CDK5RAP2: variants seen among roughly 807,000 people sequenced by gnomAD.
CDK5RAP2 encodes the protein CDK5 regulatory subunit-associated protein 2.
In CDK5RAP2, 147 loss-of-function variants were observed where a neutral mutation model predicts 232.9. That is an observed-to-expected ratio of 0.63 (90% CI 0.55 to 0.72). The LOEUF (loss-of-function observed/expected upper bound fraction) is 0.72. Among genes scored for constraint, CDK5RAP2 ranks in the 30% least tolerant of loss-of-function variants. The pLI is 0.00. For missense variants in CDK5RAP2, 2,195 were observed against 2,231.5 expected (o/e 0.98, Z 0.33); for synonymous variants, 833 against 833.7 (o/e 1.00, Z 0.01).
At chr9:120,450,445 G>T (rs997158757) in intron 21 of CDK5RAP2, among the ~76,000 whole-genome samples, 1 of 152,134 alleles carries the variant, frequency 6.6e-6, no homozygotes, top group Non-Finnish European at 1.5e-5. Flanking sequence ...GTCCAACTCT[G>T]TGAATAGACT....
rs145971479 is a variant in CDK5RAP2 at position 120,441,196 on chromosome 9, C to T, written c.3149-1224G>A. Among the ~76,000 whole-genome samples, 687 of 152,260 alleles carry T rather than the reference C, an allele frequency of 4.5e-3. 6 individuals carry two copies. The highest frequency in any genetic ancestry group is 0.016 in the African/African-American group (649 of 41,568). The stretch of plus-strand genomic sequence containing the variant: ...ACTGCTGGCTGCCCAGGGAAAGTTC[C>T]GTTCAATATAGAGAGCTGTCTGAAT... On this transcript the variant is annotated intron_variant, in intron 23 of 37. Transcript: ENST00000349780.
intron 15 of CDK5RAP2, 74 bp downstream of exon 15, chr9:120,477,276 G>C: frequency 1.9e-6 from 2 of 1,060,076 alleles, no homozygotes; most frequent in Non-Finnish European, 2.9e-6. Flanking sequence ...TGATTGAAAG[G>C]GTGTGTGCGT....
chr9:120,565,064 C>G (rs909676395), intron 3 of CDK5RAP2, among the ~76,000 whole-genome samples: 2 of 152,114 alleles, frequency 1.3e-5, no homozygotes, highest in East Asian at 3.8e-4. Context: ...AGTTTAAAGA[C>G]CAAAAAGAAG....
chr9:120,567,615 A>G (rs983249516), intron 3 of CDK5RAP2, among the ~76,000 whole-genome samples: 2 of 152,204 alleles, frequency 1.3e-5, no homozygotes, highest in Admixed American at 6.5e-5. Flanking sequence ...CTGCTAATAA[A>G]TGAAAGACAC....
intron 11 of CDK5RAP2, among the ~76,000 whole-genome samples, chr9:120,521,487 T>G (rs1285884544): frequency 2.0e-5 from 3 of 152,054 alleles, no homozygotes; most frequent in Non-Finnish European, 4.4e-5. Context: ...AGTGAATAAG[T>G]CTCACAAGTT....
At chr9:120,574,821 CTTTT>C (rs35178148) in intron 1 of CDK5RAP2, among the ~76,000 whole-genome samples, 10 of 128,542 alleles carry the variant, frequency 7.8e-5, no homozygotes, top group Non-Finnish European at 8.2e-5. Context: ...TTAATGTTGC[CTTTT>C]TTTTTTTTTT....
At chr9:120,463,194 A>C (rs2037187185) in intron 18 of CDK5RAP2, among the ~76,000 whole-genome samples, 1 of 152,156 alleles carries the variant, frequency 6.6e-6, no homozygotes, top group Admixed American at 6.5e-5. Flanking sequence ...ACATGGTGAA[A>C]TCTTGTCTCT....
At chr9:120,502,364 T>C (rs2131723189) in intron 12 of CDK5RAP2, among the ~76,000 whole-genome samples, 1 of 152,230 alleles carries the variant, frequency 6.6e-6, no homozygotes, top group Middle Eastern at 3.4e-3. Context: ...ACAGGTCCAC[T>C]TACCTCATTT....
intron 25 of CDK5RAP2, among the ~76,000 whole-genome samples, chr9:120,426,460 C>T (rs1480935147): frequency 6.6e-6 from 1 of 152,186 alleles, no homozygotes; most frequent in Admixed American, 6.5e-5. Context: ...AAACATTTTT[C>T]TGATTGGCAC....
chr9:120,500,334 T>C (rs909382761), intron 12 of CDK5RAP2, among the ~76,000 whole-genome samples: 3 of 152,192 alleles, frequency 2.0e-5, no homozygotes, highest in South Asian at 2.1e-4. Flanking sequence ...TCCCCAAAAG[T>C]AGAATTACTA....
chr9:120,571,909 C>T (rs1488629868), intron 2 of CDK5RAP2, 65 bp downstream of exon 2: 1 of 1,286,408 alleles, frequency 7.8e-7, no homozygotes, highest in Non-Finnish European at 1.1e-6. Flanking sequence ...GCTCAAGATG[C>T]TCACAGTCCA....
At chr9:120,475,556 C>A (rs147588230) in intron 15 of CDK5RAP2, among the ~76,000 whole-genome samples, 4 of 152,232 alleles carry the variant, frequency 2.6e-5, no homozygotes, top group Admixed American at 6.5e-5. Context: ...AGTTTCCACA[C>A]GACTCAACCC....
Position 120,400,737 on chromosome 9 carries a change from C to A in CDK5RAP2, c.5451+5G>T. The stretch of plus-strand genomic sequence containing the variant: ...TGAGCCTCTGAAACATGTGTCACCA[C>A]CTACCTGCTCACAGTGAAGGGGGCA... On this transcript the variant is annotated splice_donor_5th_base_variant and intron_variant, in intron 35 of 37. Coordinates refer to ENST00000349780, the MANE Select transcript of CDK5RAP2 (RefSeq NM_018249.6). 1 of 1,613,364 alleles carries A rather than the reference C, an allele frequency of 6.2e-7. No individual in the cohort carries two copies. The highest frequency in any genetic ancestry group is 8.5e-7 in the Non-Finnish European group (1 of 1,180,016).
At chr9:120,507,615 TA>T (rs2039873122) in intron 12 of CDK5RAP2, among the ~76,000 whole-genome samples, 1 of 151,846 alleles carries the variant, frequency 6.6e-6, no homozygotes, top group African/African-American at 2.4e-5. Context: ...TTTATTTCAA[TA>T]AAAAAAGCCA....
At chr9:120,567,700 A>G (rs1157652245) in intron 3 of CDK5RAP2, among the ~76,000 whole-genome samples, 1 of 152,234 alleles carries the variant, frequency 6.6e-6, no homozygotes, top group African/African-American at 2.4e-5. Flanking sequence ...ACTACACAGT[A>G]CTAGGTACAG....
chr9:120,451,018 T>C (rs2131390206), intron 21 of CDK5RAP2, among the ~76,000 whole-genome samples: 1 of 152,326 alleles, frequency 6.6e-6, no homozygotes, highest in South Asian at 2.1e-4. Flanking sequence ...AATCATTTGC[T>C]TCGTCCTCAG....
intron 3 of CDK5RAP2, among the ~76,000 whole-genome samples, chr9:120,564,917 T>A (rs561034533): frequency 6.6e-4 from 100 of 152,290 alleles, no homozygotes; most frequent in Non-Finnish European, 8.4e-4. Context: ...CCGCAAGGCC[T>A]CCTCTGGTCT....
chr9:120,567,513 G>C (rs555236280), intron 3 of CDK5RAP2, among the ~76,000 whole-genome samples: 55 of 152,296 alleles, frequency 3.6e-4, no homozygotes, highest in Non-Finnish European at 4.9e-4. Flanking sequence ...TTCTTCCCAT[G>C]ATAAATGAGA....
chr9:120,450,150 T>C (rs1238531529), intron 21 of CDK5RAP2, among the ~76,000 whole-genome samples: 2 of 152,242 alleles, frequency 1.3e-5, no homozygotes. Flanking sequence ...CACATGGATA[T>C]ACTATGGAAT....
Sources: gnomAD v4.1 joint callset for allele counts (sites outside exome capture counted in the v4.1 genomes callset) on GRCh38, gnomAD v4.1.1 for gene constraint, MANE v1.5 for transcripts, NCBI Gene and HGNC (gene_info 2026-07-23, HGNC 2026-07-21) for gene names.